The following LINGO2 variants were observed in gnomAD, a reference collection of about 807,000 sequenced individuals.
LINGO2 encodes leucine rich repeat and Ig domain containing 2.
LINGO2 carries 14 observed loss-of-function variants against 30.6 expected under a neutral mutation model. The observed-to-expected ratio is 0.46, with a 90% CI of 0.30 to 0.72. LINGO2 has a LOEUF of 0.72. LINGO2 is among the 30% of genes least tolerant of loss of function. The pLI, the probability that LINGO2 is intolerant of heterozygous loss-of-function variation, is 0.07. For missense variants in LINGO2, 729 were observed against 751.7 expected (o/e 0.97, Z 0.35); for synonymous variants, 317 against 288.5 (o/e 1.10, Z -1.00).
At chr9:28,344,007 T>C (rs909579576) in intron 3 of LINGO2, among the ~76,000 whole-genome samples, 1 of 152,148 alleles carries the variant, frequency 6.6e-6, no homozygotes, top group African/African-American at 2.4e-5. Context: ...AAAATGTTTC[T>C]CCTGCAGCCA....
chr9:29,104,198 C>T, the LINGO2 span, among the ~76,000 whole-genome samples: 35,867 of 151,976 alleles, frequency 0.24, 4,360 homozygotes, highest in East Asian at 0.4. Context: ...TTTGGCTCTG[C>T]ATCCCCACCC....
chr9:28,234,453 G>C lies in LINGO2; in HGVS notation c.-87+60755C>G, dbSNP rs28827849. Among the ~76,000 whole-genome samples the C allele has an allele frequency of 8.3e-3, 1,265 of 152,302 alleles. 23 individuals are homozygous for C. The highest frequency in any genetic ancestry group is 0.028 in the African/African-American group (1,179 of 41,564). On this transcript the variant is annotated intron_variant, in intron 4 of 5. Coordinates refer to ENST00000379992, the Ensembl canonical transcript of LINGO2. ...CAAAGTATTGTTCTTGGGTGTGTCT[G>C]AGACAGTGTTGCCAAAGGAGATTAA...
intron 4 of LINGO2, among the ~76,000 whole-genome samples, chr9:28,023,788 C>G (rs79449943): frequency 6.6e-6 from 1 of 152,114 alleles, no homozygotes. Flanking sequence ...AACATGAGAA[C>G]CTGGTGACTT....
At chr9:29,012,480 T>G in the LINGO2 span, among the ~76,000 whole-genome samples, 2 of 152,168 alleles carry the variant, frequency 1.3e-5, no homozygotes, top group African/African-American at 4.8e-5. Flanking sequence ...ACTTCAGAAT[T>G]TGCACATTTA....
chr9:28,953,179 T>A, the LINGO2 span, among the ~76,000 whole-genome samples: 1 of 152,168 alleles, frequency 6.6e-6, no homozygotes, highest in African/African-American at 2.4e-5. Context: ...CATGATTGAA[T>A]TGAACATTTA....
chr9:28,994,690 A>G, the LINGO2 span, among the ~76,000 whole-genome samples: 87 of 152,120 alleles, frequency 5.7e-4, 1 homozygote, highest in Middle Eastern at 6.8e-3. Flanking sequence ...AATGCAACAG[A>G]ACAGAGCCCT....
At chr9:28,755,559 C>T in the LINGO2 span, among the ~76,000 whole-genome samples, 1 of 152,168 alleles carries the variant, frequency 6.6e-6, no homozygotes, top group South Asian at 2.1e-4. Context: ...AGGCTATGTG[C>T]ATAAATACTT....
chr9:28,640,364 G>T (rs1388488347), intron 1 of LINGO2, among the ~76,000 whole-genome samples: 1 of 151,952 alleles, frequency 6.6e-6, no homozygotes. Context: ...TTGAATGTTG[G>T]CCTGCCTTGC....
chr9:29,109,136 G>C, the LINGO2 span, among the ~76,000 whole-genome samples: 1 of 88,952 alleles, frequency 1.1e-5, no homozygotes, highest in African/African-American at 4.3e-5. Flanking sequence ...TTGCTTGTGA[G>C]TAATTTTTTT....
chr9:28,055,418 C>G (rs756930785), intron 4 of LINGO2, among the ~76,000 whole-genome samples: 2 of 152,116 alleles, frequency 1.3e-5, no homozygotes, highest in Non-Finnish European at 2.9e-5. Flanking sequence ...GCTATTGCCA[C>G]ATTTCTGTTG....
At chr9:28,687,087 T>A in the LINGO2 span, among the ~76,000 whole-genome samples, 12 of 152,074 alleles carry the variant, frequency 7.9e-5, no homozygotes, top group African/African-American at 2.9e-4. Context: ...AAAATTTGAT[T>A]AAAATAAACA....
intron 2 of LINGO2, among the ~76,000 whole-genome samples, chr9:28,388,207 C>G (rs1190333441): frequency 1.3e-5 from 2 of 152,168 alleles, no homozygotes; most frequent in Non-Finnish European, 1.5e-5. Flanking sequence ...AGTGTCATGT[C>G]TCTATGATAG....
chr9:28,105,235 G>T (rs948012798), intron 4 of LINGO2, among the ~76,000 whole-genome samples: 1 of 152,158 alleles, frequency 6.6e-6, no homozygotes, highest in Non-Finnish European at 1.5e-5. Context: ...GTACTGATGA[G>T]AAGTCACGTT....
chr9:28,107,212 G>T (rs1404751025), intron 4 of LINGO2, among the ~76,000 whole-genome samples: 2 of 152,012 alleles, frequency 1.3e-5, no homozygotes, highest in Admixed American at 1.3e-4. Context: ...GATTGTTTGG[G>T]GTCTTTCCCC....
intron 3 of LINGO2, among the ~76,000 whole-genome samples, chr9:28,351,378 G>T (rs1204190025): frequency 1.3e-4 from 20 of 150,060 alleles, no homozygotes; most frequent in African/African-American, 4.7e-4. Flanking sequence ...ACACCTCTAT[G>T]CAAATAAACT....
chr9:28,677,845 T>A, the LINGO2 span, among the ~76,000 whole-genome samples: 1 of 152,074 alleles, frequency 6.6e-6, no homozygotes, highest in African/African-American at 2.4e-5. Context: ...GATCAGGCAG[T>A]AACACCATAA....
At chr9:28,018,088 A>G (rs1001332892) in intron 4 of LINGO2, among the ~76,000 whole-genome samples, 3 of 152,204 alleles carry the variant, frequency 2.0e-5, no homozygotes, top group African/African-American at 7.2e-5. Context: ...GACAAAGTCA[A>G]CAAAAGCAAG....
At chr9:29,155,906 C>G in the LINGO2 span, among the ~76,000 whole-genome samples, 1 of 151,526 alleles carries the variant, frequency 6.6e-6, no homozygotes, top group Non-Finnish European at 1.5e-5. Context: ...TGAAAACAAA[C>G]AAAAAAACAC....
chr9:28,264,163 T>A lies in LINGO2; in HGVS notation c.-87+31045A>T, dbSNP rs115477518. 3.8e-3 allele frequency among the ~76,000 whole-genome samples: 572 copies of A among 152,100 alleles called. 6 individuals are homozygous for A. The highest frequency in any genetic ancestry group is 0.013 in the African/African-American group (533 of 41,534). On this transcript the variant is annotated intron_variant, in intron 4 of 5. Coordinates refer to ENST00000379992, the Ensembl canonical transcript of LINGO2. ...TGGATATTTAAACTTTATATTTACATAGATGTCATTTATGATTGATTTTGA... is the reference window on the plus strand; with the variant it reads ...TGGATATTTAAACTTTATATTTACAAAGATGTCATTTATGATTGATTTTGA...
Sources: allele counts gnomAD v4.1 joint callset (sites outside exome capture counted in the v4.1 genomes callset), GRCh38; gene constraint gnomAD v4.1.1; transcripts MANE v1.5; gene names NCBI Gene and HGNC (gene_info 2026-07-23, HGNC 2026-07-21).